Variants in SAMD12 observed in about 807,000 individuals in gnomAD.
SAMD12 encodes sterile alpha motif domain containing 12.
In SAMD12, 9 loss-of-function variants were observed where a neutral mutation model predicts 15.0. The ratio of observed to expected loss-of-function variants is 0.60; its 90% CI spans 0.36 to 1.05. SAMD12 has a LOEUF of 1.05. SAMD12 is among the 50% of genes least tolerant of loss of function. SAMD12 has a pLI of 0.01. For missense variants in SAMD12, 230 were observed against 234.2 expected (o/e 0.98, Z 0.12); for synonymous variants, 86 against 90.1 (o/e 0.96, Z 0.25).
At chr8:118,213,045 C>T (rs749038878) in intron 4 of SAMD12, among the ~76,000 whole-genome samples, 1 of 152,124 alleles carries the variant, frequency 6.6e-6, no homozygotes, top group Admixed American at 6.5e-5. Context: ...GAGGCTGGAC[C>T]TCATCTTTTG....
intron 2 of SAMD12, among the ~76,000 whole-genome samples, chr8:118,554,094 A>G (rs999810475): frequency 6.6e-6 from 1 of 151,476 alleles, no homozygotes; most frequent in African/African-American, 2.4e-5. Flanking sequence ...GGGACTGTAA[A>G]CTAGTTCAAC....
chr8:118,302,563 T>G (rs763360182), intron 4 of SAMD12, among the ~76,000 whole-genome samples: 2 of 152,220 alleles, frequency 1.3e-5, no homozygotes, highest in Non-Finnish European at 1.5e-5. Context: ...GAAAAGAGTC[T>G]CCTACAATCT....
chr8:118,616,871 T>C (rs117341877), intron 1 of SAMD12, among the ~76,000 whole-genome samples: 3,154 of 152,190 alleles, frequency 0.021, 52 homozygotes, highest in Middle Eastern at 0.044. Context: ...CTCAGAGGAG[T>C]GCAAACCCTA....
chr8:118,564,280 C>A (rs1826788402), intron 2 of SAMD12, among the ~76,000 whole-genome samples: 1 of 151,486 alleles, frequency 6.6e-6, no homozygotes, highest in South Asian at 2.1e-4. Context: ...AAGTCTCAAG[C>A]CCAGCAACTG....
intron 2 of SAMD12, among the ~76,000 whole-genome samples, chr8:118,578,630 T>C (rs767342852): frequency 6.6e-6 from 1 of 152,190 alleles, no homozygotes; most frequent in Non-Finnish European, 1.5e-5. Flanking sequence ...TGTTTGTACC[T>C]GCACAAAACA....
rs118130150 is a variant in SAMD12 at position 118,570,894 on chromosome 8, A to G, written c.192+9821T>C. Among the ~76,000 whole-genome samples the G allele has an allele frequency of 3.1e-4, 47 of 152,204 alleles. No individual in the cohort carries two copies. In the East Asian group the frequency reaches 8.3e-3, roughly 27 times the overall value. On this transcript the variant is annotated intron_variant, in intron 2 of 3. Coordinates refer to ENST00000314727, the MANE Select transcript of SAMD12 (RefSeq NM_207506.3). ...AGTCTCACGAGATCTGTTGGTTTCA[A>G]AAAGAGGAGTTCCCCTGCACAAGCT...
chr8:118,580,971 C>G (rs1827282732), intron 1 of SAMD12, 78 bp from the exon 2 acceptor site: 2 of 1,154,830 alleles, frequency 1.7e-6, no homozygotes, highest in East Asian at 5.1e-5. Flanking sequence ...ATTCATCAAG[C>G]CTAAGTAGGA....
At chr8:118,616,860 T>G (rs1269862556) in intron 1 of SAMD12, among the ~76,000 whole-genome samples, 2 of 152,184 alleles carry the variant, frequency 1.3e-5, no homozygotes, top group African/African-American at 2.4e-5. Flanking sequence ...GGCATTAGAT[T>G]CTCAGAGGAG....
chr8:118,177,766 G>T, the SAMD12 span, among the ~76,000 whole-genome samples: 2 of 152,148 alleles, frequency 1.3e-5, no homozygotes, highest in East Asian at 3.8e-4. Flanking sequence ...GATGCCATTA[G>T]AAATTAAAAA....
the SAMD12 span, among the ~76,000 whole-genome samples, chr8:118,147,188 C>T: frequency 6.6e-6 from 1 of 151,842 alleles, no homozygotes; most frequent in African/African-American, 2.4e-5. Flanking sequence ...CCATACCTGG[C>T]TAATTTTTGT....
At chr8:118,269,338 T>C (rs1453642001) in intron 4 of SAMD12, among the ~76,000 whole-genome samples, 6 of 151,842 alleles carry the variant, frequency 4.0e-5, no homozygotes, top group African/African-American at 1.5e-4. Flanking sequence ...ATCAATATCA[T>C]AGAAACCTAG....
intron 4 of SAMD12, among the ~76,000 whole-genome samples, chr8:118,349,020 CAAG>C (rs1256297537): frequency 6.6e-6 from 1 of 152,194 alleles, no homozygotes; most frequent in Non-Finnish European, 1.5e-5. Flanking sequence ...GTAAATAGAG[CAAG>C]ACTCTAAACA....
intron 4 of SAMD12, among the ~76,000 whole-genome samples, chr8:118,200,275 T>G: frequency 6.6e-6 from 1 of 152,008 alleles, no homozygotes; most frequent in African/African-American, 2.4e-5. Flanking sequence ...TGTCCCCCTC[T>G]AGTGACATAC....
In SAMD12 at chr8:118,421,795, A is replaced by AAC. The variant is rs1822008598; in HGVS notation, c.322+18036_322+18037insGT. Among the ~76,000 whole-genome samples, 2 of 152,240 alleles carry AAC rather than the reference A, an allele frequency of 1.3e-5. 1 individual carries two copies. Among genetic ancestry groups the AAC allele is most frequent in the African/African-American group, 4.8e-5 (2 of 41,466 alleles). ...GCGACAATCACTCTTGGCACTGAGC[A>AAC]AAGTTCTGACACAGTCTACCACAAC... On this transcript the variant is annotated intron_variant, in intron 3 of 3. Coordinates refer to ENST00000314727, the MANE Select transcript of SAMD12 (RefSeq NM_207506.3).
intron 2 of SAMD12, among the ~76,000 whole-genome samples, chr8:118,533,342 G>A (rs1257398309): frequency 2.6e-5 from 4 of 152,324 alleles, no homozygotes; most frequent in Middle Eastern, 3.4e-3. Context: ...TATTTGCTGA[G>A]CAGTGCTTTA....
intron 4 of SAMD12, among the ~76,000 whole-genome samples, chr8:118,353,493 G>A (rs1818064921): frequency 6.6e-6 from 1 of 151,902 alleles, no homozygotes; most frequent in Non-Finnish European, 1.5e-5. Flanking sequence ...CTCCGTGTGA[G>A]GCAACTGTCT....
At chr8:118,245,309 G>C (rs897336051) in intron 4 of SAMD12, among the ~76,000 whole-genome samples, 1 of 152,110 alleles carries the variant, frequency 6.6e-6, no homozygotes, top group Non-Finnish European at 1.5e-5. Context: ...TCCAGCAACA[G>C]TGAACTTATT....
intron 4 of SAMD12, among the ~76,000 whole-genome samples, chr8:118,290,923 A>C (rs946237285): frequency 6.6e-6 from 1 of 152,030 alleles, no homozygotes; most frequent in Admixed American, 6.6e-5. Context: ...TGCCTTTACA[A>C]CTCTTACAGA....
intron 4 of SAMD12, among the ~76,000 whole-genome samples, chr8:118,222,863 T>A (rs1288222078): frequency 6.6e-6 from 1 of 152,118 alleles, no homozygotes; most frequent in Non-Finnish European, 1.5e-5. Context: ...ATGATCATAA[T>A]CACTGCACTG....
Sources: gnomAD v4.1 joint callset for allele counts (sites outside exome capture counted in the v4.1 genomes callset) on GRCh38, gnomAD v4.1.1 for gene constraint, MANE v1.5 for transcripts, NCBI Gene and HGNC (gene_info 2026-07-23, HGNC 2026-07-21) for gene names.